The following LRCH1 variants were observed in gnomAD, a reference collection of about 807,000 sequenced individuals.
LRCH1 encodes leucine rich repeats and calponin homology domain containing 1.
A neutral mutation model predicts 94.9 loss-of-function variants in LRCH1; 23 were observed. That is an observed-to-expected ratio of 0.24 (90% CI 0.17 to 0.34). The LOEUF (loss-of-function observed/expected upper bound fraction) is 0.34. Ranked by LOEUF, LRCH1 falls within the 10% of genes least tolerant of loss-of-function variation. The pLI is 1.00. For missense variants in LRCH1, 790 were observed against 945.9 expected, an observed-to-expected ratio of 0.84 and a Z score of 2.16; for synonymous variants, 364 against 354.9, an observed-to-expected ratio of 1.03 and a Z score of -0.29.
chr13:46,718,864 TCTC>T (rs1162645554), intron 16 of LRCH1, among the ~76,000 whole-genome samples: 1 of 152,190 alleles, frequency 6.6e-6, no homozygotes, highest in Non-Finnish European at 1.5e-5. Context: ...AGAGAAGAAA[TCTC>T]CTCTCATTCA....
chr13:46,694,876 C>T lies in LRCH1; in HGVS notation c.1121-17C>T. The T allele has an allele frequency of 6.2e-7, 1 of 1,613,814 alleles. No homozygotes were observed. On this transcript the variant is annotated splice_polypyrimidine_tract_variant and intron_variant, in intron 8 of 19. Coordinates refer to ENST00000389797, the MANE Select transcript of LRCH1 (RefSeq NM_001164211.2). The stretch of plus-strand genomic sequence containing the variant: ...TCATGAAATCATGCTTTCCATCTCT[C>T]TATATTTTCCTAATAGGGGAATTTC...
chr13:46,599,358 A>G lies in LRCH1; in HGVS notation c.307+45655A>G, dbSNP rs1378060688. On this transcript the variant is annotated intron_variant, in intron 1 of 19. Transcript: ENST00000389797. ...GTTTTCAATTTTTTTTTGTTGTTGT[A>G]TACTCAGAAGTAGAATTGCTGGATC... Among the ~76,000 whole-genome samples, 5 of 152,190 alleles carry G rather than the reference A, an allele frequency of 3.3e-5. No homozygotes were observed. The East Asian group carries it at 9.6e-4, about 29-fold the overall frequency.
At chr13:46,672,090 C>T (rs1384146115) in intron 3 of LRCH1, among the ~76,000 whole-genome samples, 1 of 152,208 alleles carries the variant, frequency 6.6e-6, no homozygotes, top group Non-Finnish European at 1.5e-5. Context: ...TCTTTACTGT[C>T]TCCATAGTTT....
chr13:46,659,460 T>C (rs2138097524), intron 2 of LRCH1, among the ~76,000 whole-genome samples: 1 of 152,262 alleles, frequency 6.6e-6, no homozygotes, highest in East Asian at 1.9e-4. Flanking sequence ...CCCAAAGTGC[T>C]AGGACTGTAA....
intron 14 of LRCH1, 63 bp from the exon 15 acceptor site, chr13:46,712,462 A>G: frequency 1.6e-6 from 2 of 1,261,628 alleles, no homozygotes; most frequent in Non-Finnish European, 2.3e-6. Context: ...ATAGAAAACC[A>G]TACATAGTTC....
chr13:46,554,365 G>C (rs138166114), intron 1 of LRCH1, among the ~76,000 whole-genome samples: 1 of 152,344 alleles, frequency 6.6e-6, no homozygotes, highest in African/African-American at 2.4e-5. Flanking sequence ...AATCCCAGTC[G>C]GCTGCCGCTT....
chr13:46,750,879 G>GAA, exon 19 of LRCH1: 3 of 373,540 alleles, frequency 8.0e-6, no homozygotes, highest in Non-Finnish European at 9.7e-6. Flanking sequence ...GGAGCTGGAG[G>GAA]AAAAAAAAAC....
intron 13 of LRCH1, among the ~76,000 whole-genome samples, chr13:46,709,492 C>G (rs771227821): frequency 2.0e-5 from 3 of 152,196 alleles, no homozygotes; most frequent in Non-Finnish European, 4.4e-5. Flanking sequence ...TGTATTACTC[C>G]TCTGTACTCA....
At chr13:46,595,713 C>G (rs1325917856) in intron 1 of LRCH1, among the ~76,000 whole-genome samples, 1 of 152,176 alleles carries the variant, frequency 6.6e-6, no homozygotes, top group Non-Finnish European at 1.5e-5. Context: ...TTCTACATTT[C>G]TGGAGTGCTT....
chr13:46,611,453 G>A (rs1036376000), intron 1 of LRCH1, among the ~76,000 whole-genome samples: 1 of 152,114 alleles, frequency 6.6e-6, no homozygotes, highest in African/African-American at 2.4e-5. Flanking sequence ...AGAGATATTT[G>A]GCTCAAAAAC....
chr13:46,710,508 G>T (rs1251847168), intron 13 of LRCH1, among the ~76,000 whole-genome samples: 1 of 152,206 alleles, frequency 6.6e-6, no homozygotes, highest in Non-Finnish European at 1.5e-5. Context: ...AAATTGCATG[G>T]CTCATACATA....
rs953506012 is a variant in LRCH1 at position 46,705,164 on chromosome 13, T to C, written c.1490+7T>C. The C allele has an allele frequency of 3.7e-6, 6 of 1,601,750 alleles. No individual in the cohort carries two copies. Among genetic ancestry groups the C allele is most frequent in the Non-Finnish European group, 5.1e-6 (6 of 1,173,634 alleles). ...TACAAGATTCTGCACTGAAGTATGC[T>C]TGCCTTTTATAACAAATTATGTTTT... is the stretch of plus-strand genomic sequence containing the variant. On this transcript the variant is annotated splice_region_variant and intron_variant, in intron 12 of 19. Coordinates refer to ENST00000389797, the MANE Select transcript of LRCH1 (RefSeq NM_001164211.2).
chr13:46,594,410 AG>A (rs1313807263), intron 1 of LRCH1, among the ~76,000 whole-genome samples: 1 of 152,208 alleles, frequency 6.6e-6, no homozygotes, highest in Non-Finnish European at 1.5e-5. Context: ...TTTTCTGCTA[AG>A]GGCTATTGAC....
chr13:46,736,405 C>T lies in LRCH1; in HGVS notation c.2085+2407C>T, dbSNP rs553023300. Among the ~76,000 whole-genome samples, 127 of 152,202 alleles carry T rather than the reference C, an allele frequency of 8.3e-4. 1 individual carries two copies. Among genetic ancestry groups the T allele is most frequent in the Non-Finnish European group, 1.6e-3 (112 of 68,024 alleles). ...ATGTTTTTACCTTAGGAATATGACACTAAATTGAGGGACCAGATGACTTCC... is the reference window on the plus strand; with the variant it reads ...ATGTTTTTACCTTAGGAATATGACATTAAATTGAGGGACCAGATGACTTCC... On this transcript the variant is annotated intron_variant, in intron 19 of 19. Coordinates refer to ENST00000389797, the MANE Select transcript of LRCH1 (RefSeq NM_001164211.2).
intron 19 of LRCH1, among the ~76,000 whole-genome samples, chr13:46,734,313 T>A (rs532239026): frequency 1.3e-4 from 20 of 152,334 alleles, no homozygotes; most frequent in African/African-American, 4.8e-4. Context: ...AGGCTGTAAG[T>A]GAATCTTCTC....
intron 2 of LRCH1, among the ~76,000 whole-genome samples, chr13:46,651,928 C>T (rs1358213632): frequency 1.4e-5 from 2 of 147,436 alleles, no homozygotes; most frequent in East Asian, 4.1e-4. Flanking sequence ...TGCTCTGTCG[C>T]CCAGGCTGGA....
At chr13:46,643,783 C>T (rs1176357106) in intron 1 of LRCH1, among the ~76,000 whole-genome samples, 1 of 152,096 alleles carries the variant, frequency 6.6e-6, no homozygotes, top group African/African-American at 2.4e-5. Flanking sequence ...TATTTGGAAA[C>T]CTATTAATCA....
chr13:46,646,981 T>C (rs2051228668), intron 1 of LRCH1, among the ~76,000 whole-genome samples: 1 of 151,874 alleles, frequency 6.6e-6, no homozygotes, highest in Non-Finnish European at 1.5e-5. Flanking sequence ...GACGTGGTGG[T>C]GCATGCCTGT....
At chr13:46,635,848 C>G (rs1055674110) in intron 1 of LRCH1, among the ~76,000 whole-genome samples, 1 of 151,952 alleles carries the variant, frequency 6.6e-6, no homozygotes, top group African/African-American at 2.4e-5. Context: ...CCCTGGCCAC[C>G]AAGCTATTCC....
Sources: gnomAD v4.1 joint callset for allele counts (sites outside exome capture counted in the v4.1 genomes callset) on GRCh38, gnomAD v4.1.1 for gene constraint, MANE v1.5 for transcripts, NCBI Gene and HGNC (gene_info 2026-07-23, HGNC 2026-07-21) for gene names.